DDX46: variants seen among roughly 807,000 people sequenced by gnomAD.
DDX46 encodes the protein DEAD-box helicase 46.
Under a neutral mutation model 134.9 loss-of-function variants are expected in DDX46, and 30 were observed. The ratio of observed to expected loss-of-function variants is 0.22; its 90% CI spans 0.17 to 0.30. The LOEUF is 0.30. DDX46 is among the 10% of genes least tolerant of loss of function. The pLI is 1.00. For missense variants in DDX46, 622 were observed against 1,248.7 expected, an observed-to-expected ratio of 0.50 and a Z score of 7.56; for synonymous variants, 415 against 404.1, an observed-to-expected ratio of 1.03 and a Z score of -0.32.
chr5:134,827,627 A>G (rs375313061), intron 22 of DDX46, among the ~76,000 whole-genome samples: 6 of 152,234 alleles, frequency 3.9e-5, no homozygotes, highest in Non-Finnish European at 8.8e-5. Context: ...TGAACTCCAC[A>G]TAAGTGTAAT....
chr5:134,764,377 G>A (rs1753493920), intron 2 of DDX46, among the ~76,000 whole-genome samples: 1 of 151,776 alleles, frequency 6.6e-6, no homozygotes, highest in Non-Finnish European at 1.5e-5. Context: ...CCACCTCCTG[G>A]GTTCAAGCGA....
At chr5:134,809,419 G>GT (rs1045239189) in intron 16 of DDX46, among the ~76,000 whole-genome samples, 31 of 152,204 alleles carry the variant, frequency 2.0e-4, no homozygotes, top group African/African-American at 7.0e-4. Flanking sequence ...CCAGACTGGA[G>GT]TGCAGTGGCA....
chr5:134,773,806 A>G lies in DDX46; in HGVS notation c.558A>G (p.Lys186=), dbSNP rs778014053. ...KKAMENIGEL[K]KEIEEMKQGK... is the part of the protein sequence containing the mutation. ...CTATGGAAAACATAGGAGAACTGAA[A>G]AAGGAAATCGAAGAGATGAAACAAG... is the stretch of plus-strand genomic sequence containing the variant. Residue 186 remains lysine (K), a synonymous_variant, in exon 5 of 23, where the codon AAA becomes AAG. Coordinates refer to ENST00000452510, the MANE Select transcript of DDX46 (RefSeq NM_001300860.2). The G allele has an allele frequency of 4.3e-6, 7 of 1,612,336 alleles. 1 individual carries two copies. In the Admixed American group the frequency reaches 8.4e-5, roughly 19 times the overall value.
chr5:134,771,052 CTTTCT>C, intron 4 of DDX46, 53 bp downstream of exon 4: 1 of 705,176 alleles, frequency 1.4e-6, no homozygotes, highest in Non-Finnish European at 2.4e-6. Context: ...GTCTTTCTTT[CTTTCT>C]TTTCTTTCTT....
chr5:134,782,665 C>G (rs1453686219), intron 8 of DDX46, among the ~76,000 whole-genome samples: 1 of 151,852 alleles, frequency 6.6e-6, no homozygotes, highest in Admixed American at 6.6e-5. Flanking sequence ...GTCAGCCTCC[C>G]GAGTAGCTGG....
intron 20 of DDX46, among the ~76,000 whole-genome samples, chr5:134,818,453 G>C (rs896134763): frequency 6.6e-6 from 1 of 150,484 alleles, no homozygotes; most frequent in Non-Finnish European, 1.5e-5. Context: ...TGGAATCCCA[G>C]CACTTTGGGA....
intron 15 of DDX46, chr5:134,805,269 C>T (rs1317139756): frequency 6.5e-6 from 1 of 154,862 alleles, no homozygotes; most frequent in Non-Finnish European, 1.4e-5. Context: ...CTCCCGGGTT[C>T]AAGCTATTCT....
chr5:134,767,566 C>A (rs986416261), intron 3 of DDX46, among the ~76,000 whole-genome samples: 1 of 151,952 alleles, frequency 6.6e-6, no homozygotes, highest in Non-Finnish European at 1.5e-5. Context: ...GTCTCGAACT[C>A]CTGACCTCAA....
At position 134,829,132 on chromosome 5, in the gene DDX46, C is replaced by T. The variant is rs60920358; in HGVS notation, c.*426C>T. 1 of 152,750 alleles carries T rather than the reference C, an allele frequency of 6.5e-6. No homozygotes were observed. Among genetic ancestry groups the T allele is most frequent in the Non-Finnish European group, 1.5e-5 (1 of 68,464 alleles). The allele number at this position is 152,750 out of a possible 1,614,324, so 9.5% of individuals were successfully genotyped here. A position where few individuals can be genotyped will look rare whatever the true frequency, so the allele number is the denominator to read the frequency against. ...TCACTATCATATTTTGTGTCCCCAC[C>T]TTGATGTTACATGACTCTGGAACAA... On this transcript the variant is annotated 3_prime_UTR_variant, in exon 23 of 23. Coordinates refer to ENST00000452510, the MANE Select transcript of DDX46 (RefSeq NM_001300860.2).
chr5:134,802,289 T>G (rs1754854067), intron 15 of DDX46, among the ~76,000 whole-genome samples: 1 of 151,332 alleles, frequency 6.6e-6, no homozygotes, highest in Non-Finnish European at 1.5e-5. Context: ...CTCAGCCTCC[T>G]GAGTAGCTGG....
intron 2 of DDX46, among the ~76,000 whole-genome samples, chr5:134,765,704 C>T (rs1049329852): frequency 1.3e-5 from 2 of 152,100 alleles, no homozygotes; most frequent in African/African-American, 4.8e-5. Context: ...TGCCCAGTTT[C>T]TCATTAAAAT....
rs143589656 is a variant in DDX46, at chr5:134,781,959, C to T, written c.918C>T (p.Ala306=). 132 of 1,610,330 alleles carry T rather than the reference C, an allele frequency of 8.2e-5. No homozygotes were observed. The African/African-American group carries it at 1.5e-3, about 18-fold the overall frequency. ...AGGAAGAAGTTGATCTTCAGACAGC[C>T]CTTACAGGGTATCAAACAAAACAGC... ...SEEEEVDLQT[A]LTGYQTKQRK... The change falls in exon 8 of 23, where the codon GCC becomes GCT. Residue 306 remains alanine, a synonymous_variant. Coordinates refer to ENST00000452510, the MANE Select transcript of DDX46 (RefSeq NM_001300860.2).
At chr5:134,805,059 C>T (rs1754941070) in intron 15 of DDX46, 1 of 334,824 alleles carries the variant, frequency 3.0e-6, no homozygotes, top group Admixed American at 3.2e-5. Context: ...ACCAGGGATT[C>T]CAGACAACCT....
At chr5:134,818,757 A>T in intron 20 of DDX46, 103 bp from the exon 21 acceptor site, 1 of 884,766 alleles carries the variant, frequency 1.1e-6, no homozygotes, top group Non-Finnish European at 1.6e-6. Flanking sequence ...AGAGAGAGAG[A>T]CCAACCATAA....
intron 14 of DDX46, among the ~76,000 whole-genome samples, chr5:134,795,426 T>C (rs1382073186): frequency 6.6e-6 from 1 of 152,158 alleles, no homozygotes; most frequent in Non-Finnish European, 1.5e-5. Flanking sequence ...GTCAAAACTT[T>C]TGTGCTGATT....
chr5:134,815,264 A>C (rs963707223), intron 18 of DDX46, among the ~76,000 whole-genome samples: 1 of 152,228 alleles, frequency 6.6e-6, no homozygotes, highest in Non-Finnish European at 1.5e-5. Context: ...TTAACCAATT[A>C]ATTTTTAAGC....
intron 21 of DDX46, 124 bp downstream of exon 21, chr5:134,819,128 C>A: frequency 9.7e-7 from 1 of 1,030,560 alleles, no homozygotes. Context: ...CCTCTGAAAA[C>A]AAAATCTTAT....
Position 134,828,714 on chromosome 5 carries a change from GA to G in DDX46, c.*14del. 5 of 1,497,874 alleles carry G rather than the reference GA, an allele frequency of 3.3e-6. No individual in the cohort carries two copies. Among genetic ancestry groups the G allele is most frequent in the South Asian group, 1.5e-5 (1 of 67,452 alleles). 92.8% of individuals were successfully genotyped at this position (1,497,874 alleles called of 1,614,324 possible). ...AGATACAAAGTCTTATAGACATCCG[GA>G]AAAAAGATTTTTACCTGTGCTGGTC... On this transcript the variant is annotated 3_prime_UTR_variant, in exon 23 of 23. Coordinates refer to ENST00000452510, the MANE Select transcript of DDX46 (RefSeq NM_001300860.2).
chr5:134,765,076 A>AT (rs138925701), intron 2 of DDX46, among the ~76,000 whole-genome samples: 2,638 of 136,944 alleles, frequency 0.019, 38 homozygotes, highest in African/African-American at 0.049. Context: ...TTTTTAATTT[A>AT]TTTTTTTTTT....
Sources: gnomAD v4.1 joint callset for allele counts (sites outside exome capture counted in the v4.1 genomes callset) on GRCh38, gnomAD v4.1.1 for gene constraint, MANE v1.5 for transcripts, NCBI Gene and HGNC (gene_info 2026-07-23, HGNC 2026-07-21) for gene names.